Variants in IRAK1BP1 observed in about 807,000 individuals in gnomAD.
The protein encoded by IRAK1BP1 is interleukin 1 receptor associated kinase 1 binding protein 1, also known as interleukin-1 receptor-associated kinase 1-binding protein 1.
In IRAK1BP1, 24 loss-of-function variants were observed where a neutral mutation model predicts 28.0. The ratio of observed to expected loss-of-function variants is 0.86; its 90% confidence interval spans 0.62 to 1.20. The LOEUF is 1.20. Among genes scored for constraint, IRAK1BP1 ranks in the 50% most tolerant of loss-of-function variants. The pLI, the probability that IRAK1BP1 is intolerant of heterozygous loss-of-function variation, is 0.00. For synonymous variants in IRAK1BP1, 131 were observed against 116.3 expected (o/e 1.13, Z -0.81); for missense variants, 336 against 316.7 (o/e 1.06, Z -0.46).
At chr6:78,922,353 G>A (rs1046999553) in intron 4 of IRAK1BP1, among the ~76,000 whole-genome samples, 1 of 152,134 alleles carries the variant, frequency 6.6e-6, no homozygotes, top group Non-Finnish European at 1.5e-5. Context: ...ATGAAATGAA[G>A]AGAGAAGAGA....
At chr6:78,884,564 A>G (rs1391683208) in intron 1 of IRAK1BP1, among the ~76,000 whole-genome samples, 1 of 152,136 alleles carries the variant, frequency 6.6e-6, no homozygotes, top group Non-Finnish European at 1.5e-5. Flanking sequence ...TCATAGTGGT[A>G]TAGCATCCAC....
rs1772036731 is a variant in IRAK1BP1, at chr6:78,899,953, T to G, written c.*1619T>G. 6.6e-6 allele frequency: 1 copy of G among 152,184 alleles called. No individual in the cohort carries two copies. Among genetic ancestry groups the G allele is most frequent in the South Asian group, 2.1e-4 (1 of 4,836 alleles). 9.4% of individuals were successfully genotyped at this position (152,184 alleles called of 1,614,324 possible). Reference sequence around the variant, plus strand: ...TCACATGCTAAATTTTCATCAGAAATATTTTATCTGTATTTAAATTTCCTA... The same window carrying G: ...TCACATGCTAAATTTTCATCAGAAAGATTTTATCTGTATTTAAATTTCCTA... On this transcript the variant is annotated 3_prime_UTR_variant, in exon 4 of 4. Coordinates refer to ENST00000369940, the MANE Select transcript of IRAK1BP1 (RefSeq NM_001010844.4).
intron 1 of IRAK1BP1, among the ~76,000 whole-genome samples, chr6:78,877,687 C>T (rs938601438): frequency 7.2e-5 from 11 of 152,128 alleles, no homozygotes; most frequent in Admixed American, 3.3e-4. Context: ...CGAAGCAGGG[C>T]GAGGCATCAC....
At chr6:78,892,547 T>C (rs1211746009) in intron 2 of IRAK1BP1, among the ~76,000 whole-genome samples, 4 of 152,148 alleles carry the variant, frequency 2.6e-5, no homozygotes, top group Non-Finnish European at 4.4e-5. Context: ...CTTAATTCGG[T>C]TTACCTGTAT....
At chr6:78,952,469 G>T in the IRAK1BP1 span, among the ~76,000 whole-genome samples, 4 of 147,572 alleles carry the variant, frequency 2.7e-5, no homozygotes, top group African/African-American at 5.0e-5. Flanking sequence ...AAAAATTCTT[G>T]GCCATTAGCT....
chr6:78,971,444 C>G, the IRAK1BP1 span, among the ~76,000 whole-genome samples: 39 of 152,272 alleles, frequency 2.6e-4, no homozygotes, highest in Non-Finnish European at 5.6e-4. Context: ...TTTTAAAATG[C>G]TAAGTTTTTA....
chr6:78,972,125 CCT>C, the IRAK1BP1 span, among the ~76,000 whole-genome samples: 2 of 152,110 alleles, frequency 1.3e-5, no homozygotes, highest in Non-Finnish European at 2.9e-5. Flanking sequence ...CTTAAATGTC[CCT>C]GTCTGACAGC....
downstream of IRAK1BP1, among the ~76,000 whole-genome samples, chr6:78,948,505 C>G (rs188724227): frequency 6.6e-6 from 1 of 151,994 alleles, no homozygotes; most frequent in Admixed American, 6.6e-5. Flanking sequence ...TTGTACCCCC[C>G]CTTTTTGGGA....
At chr6:78,978,195 A>G in the IRAK1BP1 span, among the ~76,000 whole-genome samples, 1 of 152,174 alleles carries the variant, frequency 6.6e-6, no homozygotes, top group Non-Finnish European at 1.5e-5. Flanking sequence ...TGGGTAAACA[A>G]AACACTAACA....
rs1772036926 is a variant in IRAK1BP1, at chr6:78,899,958, T to C, written c.*1624T>C. 1 of 152,232 alleles carries C rather than the reference T, an allele frequency of 6.6e-6. No individual in the cohort carries two copies. Among genetic ancestry groups the C allele is most frequent in the Non-Finnish European group, 1.5e-5 (1 of 68,034 alleles). 9.4% of individuals were successfully genotyped at this position (152,232 alleles called of 1,614,324 possible). A position where few individuals can be genotyped will look rare whatever the true frequency, so the allele number is the denominator to read the frequency against. On this transcript the variant is annotated 3_prime_UTR_variant, in exon 4 of 4. Coordinates refer to ENST00000369940, the MANE Select transcript of IRAK1BP1 (RefSeq NM_001010844.4). ...TGCTAAATTTTCATCAGAAATATTT[T>C]ATCTGTATTTAAATTTCCTAAAATG...
chr6:78,941,164 C>T, intron 4 of IRAK1BP1: 1 of 1,613,958 alleles, frequency 6.2e-7, no homozygotes, highest in South Asian at 1.1e-5. Flanking sequence ...CATACTGTAG[C>T]TTTTTGGGCT....
chr6:78,955,001 A>T, the IRAK1BP1 span: 16 of 1,418,726 alleles, frequency 1.1e-5, no homozygotes, highest in Non-Finnish European at 1.5e-5. Context: ...ATAAAAGAGC[A>T]CTTACACAAT....
At chr6:78,948,385 A>C (rs1300144578), downstream of IRAK1BP1, among the ~76,000 whole-genome samples, 1 of 152,232 alleles carries the variant, frequency 6.6e-6, no homozygotes, top group East Asian at 1.9e-4. Context: ...ATTGGAACCA[A>C]TAAAAACACA....
intron 1 of IRAK1BP1, among the ~76,000 whole-genome samples, chr6:78,869,093 T>G (rs918414617): frequency 3.9e-5 from 6 of 152,242 alleles, no homozygotes; most frequent in Non-Finnish European, 5.9e-5. Flanking sequence ...ATAAATAATG[T>G]GAGTAAAGTG....
the IRAK1BP1 span, chr6:78,963,188 G>T: frequency 6.2e-7 from 1 of 1,611,028 alleles, no homozygotes; most frequent in Non-Finnish European, 8.5e-7. Context: ...GAGGTTTATA[G>T]ATTAGTGATC....
chr6:78,949,246 A>G (rs981298980), downstream of IRAK1BP1, among the ~76,000 whole-genome samples: 18 of 152,134 alleles, frequency 1.2e-4, no homozygotes, highest in Non-Finnish European at 1.5e-5. Context: ...TTTGCCATCT[A>G]TTCACAGGCC....
At chr6:78,887,627 C>G (rs1471516437) in intron 2 of IRAK1BP1, among the ~76,000 whole-genome samples, 1 of 152,092 alleles carries the variant, frequency 6.6e-6, no homozygotes, top group Non-Finnish European at 1.5e-5. Context: ...GATTGTGCCA[C>G]TGCACTCCAG....
At chr6:78,969,907 T>C in the IRAK1BP1 span, 1 of 1,594,668 alleles carries the variant, frequency 6.3e-7, no homozygotes. Context: ...ACGTCAGGCA[T>C]ATCATGGTAT....
chr6:78,905,742 C>G (rs1214176357), downstream of IRAK1BP1, among the ~76,000 whole-genome samples: 1 of 152,134 alleles, frequency 6.6e-6, no homozygotes, highest in African/African-American at 2.4e-5. Context: ...GCTGGGACTA[C>G]AGGCACATGC....
Sources: gnomAD v4.1 joint callset for allele counts (sites outside exome capture counted in the v4.1 genomes callset) on GRCh38, gnomAD v4.1.1 for gene constraint, MANE v1.5 for transcripts, NCBI Gene and HGNC (gene_info 2026-07-23, HGNC 2026-07-21) for gene names.